The following TNKS2 variants were observed in gnomAD, a reference collection of about 807,000 sequenced individuals.
TNKS2 encodes the protein tankyrase 2, also known as poly [ADP-ribose] polymerase tankyrase-2.
Under a neutral mutation model 137.6 loss-of-function variants are expected in TNKS2, and 72 were observed. That is an observed-to-expected ratio of 0.52 (90% CI 0.43 to 0.64). TNKS2 has a LOEUF of 0.64. TNKS2 is among the 30% of genes least tolerant of loss of function. TNKS2 has a pLI of 0.00. For synonymous variants in TNKS2, 516 were observed against 512.1 expected, an observed-to-expected ratio of 1.01 and a Z score of -0.10; for missense variants, 1,049 against 1,410.2, an observed-to-expected ratio of 0.74 and a Z score of 4.10.
chr10:91,823,403 C>T (rs1353214696), intron 7 of TNKS2, among the ~76,000 whole-genome samples: 7 of 144,076 alleles, frequency 4.9e-5, no homozygotes, highest in African/African-American at 1.6e-4. Flanking sequence ...TCTCGGCTCA[C>T]TGCAAGCTCC....
At chr10:91,822,880 A>C (rs1333900313) in intron 7 of TNKS2, among the ~76,000 whole-genome samples, 1 of 151,872 alleles carries the variant, frequency 6.6e-6, no homozygotes, top group African/African-American at 2.4e-5. Flanking sequence ...GTTTTTAAAT[A>C]TAAAGTAGCA....
Position 91,863,771 on chromosome 10 carries a change from C to A in TNKS2, c.*772C>A, listed in dbSNP as rs1842911762. ...ATTACTAAAGAAGCTTCTTTACTGG[C>A]CTCAATTTCTAGCTTTCATGTTGGA... On this transcript the variant is annotated 3_prime_UTR_variant, in exon 27 of 27. Transcript: ENST00000371627. The A allele has an allele frequency of 6.6e-6, 1 of 152,010 alleles. No individual in the cohort carries two copies. Among genetic ancestry groups the A allele is most frequent in the Admixed American group, 6.6e-5 (1 of 15,258 alleles). 9.4% of individuals were successfully genotyped at this position (152,010 alleles called of 1,614,324 possible). A position where few individuals can be genotyped will look rare whatever the true frequency, so the allele number is the denominator to read the frequency against.
rs1233945273 is a variant in TNKS2, at chr10:91,836,937, A to G, written c.1466A>G (p.Asn489Ser). 2.5e-6 allele frequency: 4 copies of G among 1,613,300 alleles called. No individual in the cohort carries two copies. Among genetic ancestry groups the G allele is most frequent in the East Asian group, 2.2e-5 (1 of 44,830 alleles). ...TTTTTAGAGGGTATCTCATTAGGTA[A>G]TTCAGAGGCAGACAGACAATTGCTG... ...QLLQEGISLG[N>S]SEADRQLLEA... Residue 489 changes from asparagine to serine, a missense_variant, in exon 13 of 27, where the codon AAT becomes AGT. By Grantham distance (46) the Asn-to-Ser change is conservative. Around this residue, in one of 6 missense-constraint regions of TNKS2, gnomAD observed 328 missense variants for 436.0 expected, o/e 0.75. Transcript: ENST00000371627.
At position 91,819,287 on chromosome 10, in the gene TNKS2, G is replaced by A; in HGVS notation, c.538G>A (p.Glu180Lys). ...ATTCACAGGTGAATATAAGAAAGAT[G>A]AACTCTTAGAAAGTGCCAGGTACGT... ...AVLTGEYKKD[E>K]LLESARSGNE... The change falls in exon 4 of 27, where the codon GAA becomes AAA. Residue 180 changes from glutamate (E) to lysine (K), a missense_variant. Coordinates refer to ENST00000371627, the MANE Select transcript of TNKS2 (RefSeq NM_025235.4). 2.1e-6 allele frequency: 3 copies of A among 1,423,512 alleles called. No individual in the cohort carries two copies. Among genetic ancestry groups the A allele is most frequent in the South Asian group, 3.0e-5 (2 of 66,126 alleles). The allele number at this position is 1,423,512 out of a possible 1,614,324, so 88.2% of individuals were successfully genotyped here.
In TNKS2 at chr10:91,859,461, G is replaced by C. The variant is rs755139683; in HGVS notation, c.3095-1G>C. 1 of 1,585,786 alleles carries C rather than the reference G, an allele frequency of 6.3e-7. No homozygotes were observed. Among genetic ancestry groups the C allele is most frequent in the Non-Finnish European group, 8.6e-7 (1 of 1,168,720 alleles). ...TTGTTACCCATCTATATGTGTTTCA[G>C]GGTCTCCTTTTGTGAATGCAATTAT... On this transcript the variant is annotated splice_acceptor_variant, in intron 24 of 26. Coordinates refer to ENST00000371627, the MANE Select transcript of TNKS2 (RefSeq NM_025235.4). LOFTEE classifies it high-confidence loss of function.
At chr10:91,837,889 C>CTTAA (rs1842078622) in intron 13 of TNKS2, among the ~76,000 whole-genome samples, 1 of 152,050 alleles carries the variant, frequency 6.6e-6, no homozygotes, top group South Asian at 2.1e-4. Context: ...TTCTCATTCC[C>CTTAA]TTAAGTAGGA....
chr10:91,854,628 G>C (rs1453961335), intron 21 of TNKS2, among the ~76,000 whole-genome samples: 2 of 152,196 alleles, frequency 1.3e-5, no homozygotes, highest in East Asian at 3.9e-4. Context: ...AAGCGGCCAG[G>C]TGCAGTGGCT....
chr10:91,830,716 A>G (rs938208999), intron 9 of TNKS2, among the ~76,000 whole-genome samples: 2 of 152,240 alleles, frequency 1.3e-5, no homozygotes, highest in Admixed American at 6.5e-5. Flanking sequence ...AATATGTAAT[A>G]ATAGATATTA....
chr10:91,845,119 C>T (rs776634934), intron 17 of TNKS2, 91 bp downstream of exon 17: 2 of 833,794 alleles, frequency 2.4e-6, no homozygotes, highest in Non-Finnish European at 3.9e-6. Context: ...TTGATGTTCT[C>T]ATTTTACAGA....
intron 2 of TNKS2, among the ~76,000 whole-genome samples, chr10:91,816,879 C>G (rs1204113519): frequency 6.6e-6 from 1 of 152,014 alleles, no homozygotes; most frequent in Non-Finnish European, 1.5e-5. Context: ...TTGTCACCAG[C>G]TATATAAATA....
At chr10:91,829,124 T>G (rs538153788) in intron 9 of TNKS2, among the ~76,000 whole-genome samples, 1 of 152,296 alleles carries the variant, frequency 6.6e-6, no homozygotes, top group East Asian at 1.9e-4. Context: ...TAAGTTAATG[T>G]GTGTAGAAGC....
chr10:91,851,037 C>G (rs550391010), intron 20 of TNKS2, among the ~76,000 whole-genome samples, 179 bp from the exon 21 acceptor site: 30 of 152,206 alleles, frequency 2.0e-4, no homozygotes, highest in South Asian at 1.7e-3. Context: ...TTTGAAAGTG[C>G]CTTTTTGTTT....
At position 91,798,614 on chromosome 10, in the gene TNKS2, T is replaced by C. The variant is rs1360368944; in HGVS notation, c.-77T>C. On this transcript the variant is annotated 5_prime_UTR_variant, in exon 1 of 27. Transcript: ENST00000371627. ...CTGAGCGCGTCTTCTCCGGGGGGCC[T>C]CGCCCTCCTGCTCGCGGGGCCGGGG... 8.3e-7 allele frequency: 1 copy of C among 1,205,176 alleles called. No individual in the cohort carries two copies. The highest frequency in any genetic ancestry group is 1.0e-6 in the Non-Finnish European group (1 of 971,046). 74.7% of individuals were successfully genotyped at this position (1,205,176 alleles called of 1,614,324 possible). A position where few individuals can be genotyped will look rare whatever the true frequency, so the allele number is the denominator to read the frequency against.
chr10:91,826,411 T>C (rs1020031750), intron 7 of TNKS2, among the ~76,000 whole-genome samples: 4 of 152,190 alleles, frequency 2.6e-5, no homozygotes, highest in Non-Finnish European at 4.4e-5. Flanking sequence ...ATATGTATAC[T>C]GTGAAATACT....
chr10:91,838,036 ATTTTTTTTTTTTTTT>A (rs71025367), intron 13 of TNKS2, among the ~76,000 whole-genome samples: 3 of 51,234 alleles, frequency 5.9e-5, no homozygotes, highest in South Asian at 1.3e-3. Context: ...CAATTAGCTG[ATTTTTTTTTTTTTTT>A]TTTTTTTTTT....
chr10:91,842,450 G>A, intron 16 of TNKS2, 59 bp downstream of exon 16: 5 of 1,510,474 alleles, frequency 3.3e-6, no homozygotes, highest in Non-Finnish European at 4.5e-6. Flanking sequence ...ATTTTACCCA[G>A]GTAAAATATT....
intron 7 of TNKS2, among the ~76,000 whole-genome samples, chr10:91,824,895 TAC>T (rs1338558190): frequency 3.9e-5 from 6 of 152,164 alleles, no homozygotes; most frequent in African/African-American, 1.4e-4. Flanking sequence ...TAAACAATAA[TAC>T]AGAGTTTTTA....
chr10:91,842,694 C>G (rs776519318), intron 16 of TNKS2, among the ~76,000 whole-genome samples: 10 of 151,912 alleles, frequency 6.6e-5, no homozygotes, highest in African/African-American at 2.4e-5. Context: ...AAGATTGAGC[C>G]CAGGAGGTCA....
intron 3 of TNKS2, 61 bp from the exon 4 acceptor site, chr10:91,819,209 G>A: frequency 1.0e-6 from 1 of 1,004,100 alleles, no homozygotes; most frequent in Non-Finnish European, 1.4e-6. Context: ...GCATCTTTTT[G>A]CATAAAACTC....
Sources: allele counts gnomAD v4.1 joint callset (sites outside exome capture counted in the v4.1 genomes callset), GRCh38; gene constraint gnomAD v4.1.1; regional missense constraint gnomAD v4.1.1; transcripts MANE v1.5; gene names NCBI Gene and HGNC (gene_info 2026-07-23, HGNC 2026-07-21).